Variants in FAF1 observed in about 807,000 individuals in gnomAD.
FAF1 encodes FAS-associated factor 1.
Under a neutral mutation model 92.5 loss-of-function variants are expected in FAF1, and 25 were observed. The observed-to-expected ratio is 0.27, with a 90% CI of 0.20 to 0.38. FAF1 has a LOEUF of 0.38. FAF1 is among the 10% of genes least tolerant of loss of function. The pLI is 1.00. For synonymous variants in FAF1, 234 were observed against 273.2 expected, an observed-to-expected ratio of 0.86 and a Z score of 1.42; for missense variants, 636 against 793.3, an observed-to-expected ratio of 0.80 and a Z score of 2.38.
chr1:50,766,355 A>G (rs966509122), intron 4 of FAF1, among the ~76,000 whole-genome samples: 30 of 152,228 alleles, frequency 2.0e-4, no homozygotes, highest in Admixed American at 2.0e-4. Context: ...ATAAACTATG[A>G]AAGTTATTGC....
chr1:50,711,320 A>C (rs1224704027), intron 6 of FAF1, among the ~76,000 whole-genome samples: 1 of 152,234 alleles, frequency 6.6e-6, no homozygotes, highest in Non-Finnish European at 1.5e-5. Context: ...ATAGTGAAAC[A>C]TCAGCAAAAG....
At chr1:50,947,020 T>A (rs1345886571) in intron 1 of FAF1, among the ~76,000 whole-genome samples, 2 of 152,210 alleles carry the variant, frequency 1.3e-5, no homozygotes, top group African/African-American at 4.8e-5. Flanking sequence ...GAGAACCATA[T>A]CACTATATCC....
At position 50,539,696 on chromosome 1, in the gene FAF1, C is replaced by G. The variant is rs768055282; in HGVS notation, c.1301G>C (p.Ser434Thr). The change falls in exon 14 of 19, where the codon AGT becomes ACT. Residue 434 changes from serine to threonine, a missense_variant. By Grantham distance (58) the Ser-to-Thr change is moderately conservative. Transcript: ENST00000396153. ...FLTMCNRHFG[S>T]VVAQTIRTQK... ...AGTCCGAATGGTTTGTGCCACAACA[C>G]TGCCAAAGTGTCTATTGCACATAGT... 6.2e-6 allele frequency: 10 copies of G among 1,612,596 alleles called. No homozygotes were observed. In the South Asian group the frequency reaches 1.1e-4, roughly 18 times the overall value.
intron 4 of FAF1, among the ~76,000 whole-genome samples, chr1:50,776,502 C>T (rs1569929215): frequency 6.6e-6 from 1 of 152,062 alleles, no homozygotes; most frequent in East Asian, 1.9e-4. Context: ...TTCTGATCAC[C>T]ACACTCGAAA....
chr1:50,717,774 G>A (rs545666446), intron 6 of FAF1, among the ~76,000 whole-genome samples: 7 of 152,266 alleles, frequency 4.6e-5, no homozygotes, highest in Middle Eastern at 3.4e-3. Flanking sequence ...GGCTGAGGTG[G>A]GAGGATGACT....
intron 4 of FAF1, among the ~76,000 whole-genome samples, chr1:50,772,585 G>A (rs1216476775): frequency 5.3e-5 from 8 of 152,080 alleles, no homozygotes; most frequent in Admixed American, 5.2e-4. Context: ...TATTCTAAAC[G>A]AACTAACACA....
At chr1:50,504,588 T>C (rs538699028) in intron 15 of FAF1, among the ~76,000 whole-genome samples, 1 of 152,282 alleles carries the variant, frequency 6.6e-6, no homozygotes, top group East Asian at 1.9e-4. Flanking sequence ...AGATCATGTT[T>C]TTGAATTTTC....
intron 9 of FAF1, among the ~76,000 whole-genome samples, chr1:50,591,308 A>G (rs1006340537): frequency 6.6e-6 from 1 of 152,148 alleles, no homozygotes; most frequent in Non-Finnish European, 1.5e-5. Context: ...TTTTAAATCT[A>G]GCCTGTGCAC....
chr1:50,443,090 T>C (rs982272512), intron 18 of FAF1, among the ~76,000 whole-genome samples: 24 of 152,250 alleles, frequency 1.6e-4, no homozygotes, highest in Non-Finnish European at 3.2e-4. Flanking sequence ...TTCTCATTCG[T>C]TGGCATTTTC....
chr1:50,789,112 G>A (rs1661473186), intron 3 of FAF1, among the ~76,000 whole-genome samples: 1 of 152,166 alleles, frequency 6.6e-6, no homozygotes, highest in South Asian at 2.1e-4. Context: ...TGGGATTACA[G>A]GCATGAGCCA....
chr1:50,661,092 T>C (rs1020305427), intron 7 of FAF1, among the ~76,000 whole-genome samples: 2 of 152,024 alleles, frequency 1.3e-5, no homozygotes, highest in African/African-American at 2.4e-5. Flanking sequence ...AAATGGCAAA[T>C]AATTTCACAT....
intron 18 of FAF1, among the ~76,000 whole-genome samples, chr1:50,472,411 AC>A (rs1646586388): frequency 1.3e-5 from 2 of 149,648 alleles, no homozygotes; most frequent in African/African-American, 5.0e-5. Flanking sequence ...ACACACACAC[AC>A]ACACACACAC....
chr1:50,508,706 GATTTT>G (rs1572794730), intron 15 of FAF1, among the ~76,000 whole-genome samples: 2 of 152,176 alleles, frequency 1.3e-5, no homozygotes, highest in East Asian at 3.9e-4. Flanking sequence ...TATACTTTTT[GATTTT>G]ATTTATTTGA....
intron 13 of FAF1, among the ~76,000 whole-genome samples, chr1:50,540,175 T>A (rs1648695836): frequency 6.6e-6 from 1 of 152,066 alleles, no homozygotes; most frequent in Non-Finnish European, 1.5e-5. Flanking sequence ...GGTTTGACCA[T>A]CTTGGCCAGG....
chr1:50,626,822 T>C (rs759779698), intron 8 of FAF1, among the ~76,000 whole-genome samples: 10 of 152,010 alleles, frequency 6.6e-5, no homozygotes, highest in Non-Finnish European at 1.2e-4. Context: ...CAATGAAAAG[T>C]TGGTATCTTA....
chr1:50,929,092 A>C (rs1170388862), intron 1 of FAF1, among the ~76,000 whole-genome samples: 12 of 3,756 alleles, frequency 3.2e-3, no homozygotes, highest in Non-Finnish European at 5.0e-3. Context: ...AAAAAAAAGA[A>C]AGAAAAGAAA....
In FAF1 at chr1:50,852,896, AAAC is replaced by A. The variant is rs371333219; in HGVS notation, c.114+5030_114+5032del. 1.8e-4 allele frequency among the ~76,000 whole-genome samples: 28 copies of A among 152,322 alleles called. No homozygotes were observed. The South Asian group carries it at 4.6e-3, about 25-fold the overall frequency. ...AAGATGGAATGGTTGTCAGGTTAAAAAACAGAGAAATTGAAAAATTTTGTAAAT... is the reference window on the plus strand; with the variant it reads ...AAGATGGAATGGTTGTCAGGTTAAAAAGAGAAATTGAAAAATTTTGTAAAT... On this transcript the variant is annotated intron_variant, in intron 2 of 18. Coordinates refer to ENST00000396153, the MANE Select transcript of FAF1 (RefSeq NM_007051.3).
At chr1:50,683,436 A>C (rs1004137819) in intron 7 of FAF1, among the ~76,000 whole-genome samples, 2 of 151,888 alleles carry the variant, frequency 1.3e-5, no homozygotes, top group Non-Finnish European at 2.9e-5. Flanking sequence ...TTGAGGTGGG[A>C]GAATCCCTTG....
intron 18 of FAF1, chr1:50,451,702 G>C (rs1299365367): frequency 1.2e-5 from 3 of 240,040 alleles, no homozygotes; most frequent in African/African-American, 2.3e-5. Flanking sequence ...AATTATGACA[G>C]AGCTAGTAAT....
Sources: gnomAD v4.1 joint callset for allele counts (sites outside exome capture counted in the v4.1 genomes callset) on GRCh38, gnomAD v4.1.1 for gene constraint, MANE v1.5 for transcripts, NCBI Gene and HGNC (gene_info 2026-07-23, HGNC 2026-07-21) for gene names.